The following COPS7B variants were observed in gnomAD, a reference collection of about 807,000 sequenced individuals.
The protein encoded by COPS7B is COP9 signalosome complex subunit 7b.
Under a neutral mutation model 33.4 loss-of-function variants are expected in COPS7B, and 9 were observed. That is an observed-to-expected ratio of 0.27 (90% CI 0.16 to 0.47). COPS7B has a LOEUF of 0.47. COPS7B is among the 20% of genes least tolerant of loss of function. The pLI, the probability that COPS7B is intolerant of heterozygous loss-of-function variation, is 0.99. For missense variants in COPS7B, 242 were observed against 318.2 expected (o/e 0.76, Z 1.82); for synonymous variants, 119 against 126.3 (o/e 0.94, Z 0.39).
intron 4 of COPS7B, 60 bp downstream of exon 4, chr2:231,794,411 A>G: frequency 4.4e-6 from 6 of 1,356,070 alleles, no homozygotes; most frequent in South Asian, 1.2e-5. Context: ...TCTCATTGAC[A>G]TCAATGAAGG....
intron 4 of COPS7B, 64 bp from the exon 5 acceptor site, chr2:231,796,041 AT>A: frequency 7.1e-7 from 1 of 1,414,536 alleles, no homozygotes; most frequent in Non-Finnish European, 1.0e-6. Flanking sequence ...TATGGGAGTA[AT>A]ACCTGCATTT....
intron 6 of COPS7B, among the ~76,000 whole-genome samples, chr2:231,806,838 A>G (rs2049908332): frequency 6.6e-6 from 1 of 152,228 alleles, no homozygotes; most frequent in Non-Finnish European, 1.5e-5. Context: ...CTGAAACCCA[A>G]ACTAGGAACC....
intron 6 of COPS7B, among the ~76,000 whole-genome samples, chr2:231,799,540 G>A (rs773875289): frequency 2.6e-5 from 4 of 152,230 alleles, no homozygotes; most frequent in Non-Finnish European, 4.4e-5. Context: ...GAGGATGTAA[G>A]TGTGGTTTTA....
Position 231,807,553 on chromosome 2 carries a change from C to T in COPS7B, c.703C>T (p.Leu235=). 2 of 1,612,920 alleles carry T rather than the reference C, an allele frequency of 1.2e-6. No homozygotes were observed. Among genetic ancestry groups the T allele is most frequent in the Non-Finnish European group, 1.7e-6 (2 of 1,179,580 alleles). Residue 235 remains leucine, a synonymous_variant, in exon 7 of 7, where the codon CTG becomes TTG. Transcript: ENST00000350033. ...CTCGGCTCAGGAGATGGAGCAGCAG[C>T]TGGCTGAACGGGAGTGTCCCCCTCA... ...SSSAQEMEQQ[L]AERECPPHAE... is the part of the protein sequence containing the mutation.
At chr2:231,799,095 A>G (rs1574671520) in intron 6 of COPS7B, 131 bp downstream of exon 6, 5 of 736,700 alleles carry the variant, frequency 6.8e-6, no homozygotes, top group Non-Finnish European at 1.2e-5. Flanking sequence ...GGCCTGGGCT[A>G]GGTGCTGGGT....
intron 4 of COPS7B, among the ~76,000 whole-genome samples, chr2:231,795,847 C>T (rs1465725636): frequency 6.6e-6 from 1 of 152,146 alleles, no homozygotes; most frequent in Non-Finnish European, 1.5e-5. Flanking sequence ...AGGATCTCTA[C>T]AAGTATGCTG....
At chr2:231,798,641 A>T (rs1002167034) in intron 5 of COPS7B, among the ~76,000 whole-genome samples, 3 of 152,230 alleles carry the variant, frequency 2.0e-5, no homozygotes, top group Non-Finnish European at 4.4e-5. Context: ...CTAAGAAACT[A>T]GCCCCAGACT....
upstream of COPS7B, among the ~76,000 whole-genome samples, chr2:231,784,508 A>G (rs1004097156): frequency 2.0e-5 from 3 of 151,988 alleles, no homozygotes; most frequent in Admixed American, 6.6e-5. Context: ...CCAAAATACT[A>G]AATCCAAATT....
In COPS7B at chr2:231,798,884, C is replaced by T. The variant is rs199527287; in HGVS notation, c.556C>T (p.Leu186=). The T allele has an allele frequency of 1.3e-4, 217 of 1,614,024 alleles. No homozygotes were observed. Among genetic ancestry groups the T allele is most frequent in the Non-Finnish European group, 1.7e-4 (203 of 1,180,008 alleles). The stretch of plus-strand genomic sequence containing the variant: ...GTGTGATGGCTGTGAAGCAGTTCTA[C>T]TGGGCATCGAGCAGCAAGTTCTGAG... The part of the protein sequence containing the change: ...EWCDGCEAVL[L]GIEQQVLRAN... The change falls in exon 6 of 7, where the codon CTG becomes TTG. Residue 186 remains leucine, a synonymous_variant. Coordinates refer to ENST00000350033, the MANE Select transcript of COPS7B (RefSeq NM_022730.4).
upstream of COPS7B, chr2:231,786,292 T>C (rs1006949288): frequency 1.0e-4 from 29 of 286,142 alleles, no homozygotes; most frequent in Non-Finnish European, 1.5e-4. Context: ...GGCTGCAGAC[T>C]CTTCCCCGCC....
At chr2:231,782,715 G>T (rs1250349741), upstream of COPS7B, among the ~76,000 whole-genome samples, 2 of 152,190 alleles carry the variant, frequency 1.3e-5, no homozygotes, top group Non-Finnish European at 2.9e-5. Flanking sequence ...ATGGCATAAA[G>T]AAATGACATC....
In COPS7B at chr2:231,791,028, G is replaced by A. The variant is rs138955629; in HGVS notation, c.163-705G>A. ...GCTGGGATTACAGGCGTGAGCCACC[G>A]CGCCCGGCCCACGTTTGTGATTTAA... On this transcript the variant is annotated intron_variant, in intron 2 of 6. Coordinates refer to ENST00000350033, the MANE Select transcript of COPS7B (RefSeq NM_022730.4). 100 of 154,678 alleles carry A rather than the reference G, an allele frequency of 6.5e-4. No individual in the cohort carries two copies. The East Asian group carries it at 0.018, about 27-fold the overall frequency. The allele number at this position is 154,678 out of a possible 1,614,324, so 9.6% of individuals were successfully genotyped here.
Position 231,788,544 on chromosome 2 carries a change from C to T in COPS7B, c.-16-11C>T. On this transcript the variant is annotated splice_polypyrimidine_tract_variant and intron_variant, in intron 1 of 6. Coordinates refer to ENST00000350033, the MANE Select transcript of COPS7B (RefSeq NM_022730.4). ...AAGGAAGAATGACTGACACAATTTT[C>T]TTTTGGACAGATTTCAAGGCCAGAG... 1 of 1,611,300 alleles carries T rather than the reference C, an allele frequency of 6.2e-7. No homozygotes were observed. Among genetic ancestry groups the T allele is most frequent in the Non-Finnish European group, 8.5e-7 (1 of 1,179,254 alleles).
chr2:231,787,012 C>T (rs1412579581), intron 1 of COPS7B, among the ~76,000 whole-genome samples: 1 of 152,182 alleles, frequency 6.6e-6, no homozygotes, highest in African/African-American at 2.4e-5. Context: ...ACCCCCACCT[C>T]CTAACATTGG....
chr2:231,784,916 G>A (rs1369491142), upstream of COPS7B, among the ~76,000 whole-genome samples: 2 of 152,218 alleles, frequency 1.3e-5, no homozygotes, highest in African/African-American at 4.8e-5. Context: ...GGGTTCAAGC[G>A]ATTCTCATGC....
At chr2:231,806,734 G>A (rs530674536) in intron 6 of COPS7B, among the ~76,000 whole-genome samples, 2 of 152,220 alleles carry the variant, frequency 1.3e-5, no homozygotes, top group Admixed American at 6.5e-5. Context: ...AATGTAAATC[G>A]ACTTTGATCT....
At chr2:231,781,929 GA>G, upstream of COPS7B, 1 of 1,525,176 alleles carries the variant, frequency 6.6e-7, no homozygotes, top group South Asian at 1.2e-5. Context: ...AACCGTGAAA[GA>G]GAACAAAATG....
intron 6 of COPS7B, among the ~76,000 whole-genome samples, chr2:231,803,917 C>T (rs542113679): frequency 1.9e-4 from 29 of 152,242 alleles, no homozygotes; most frequent in African/African-American, 7.0e-4. Context: ...GGCAGCGGAG[C>T]GTTGCCGTTG....
intron 6 of COPS7B, among the ~76,000 whole-genome samples, chr2:231,799,658 C>T (rs1473771651): frequency 6.6e-6 from 1 of 152,154 alleles, no homozygotes. Flanking sequence ...GAAGTGACCT[C>T]ACTTCACAAT....
Sources: allele counts gnomAD v4.1 joint callset (sites outside exome capture counted in the v4.1 genomes callset), GRCh38; gene constraint gnomAD v4.1.1; transcripts MANE v1.5; gene names NCBI Gene and HGNC (gene_info 2026-07-23, HGNC 2026-07-21).